The following LMF1 variants were observed in gnomAD, a reference collection of about 807,000 sequenced individuals.
LMF1 encodes lipase maturation factor 1.
A neutral mutation model predicts 60.6 loss-of-function variants in LMF1; 68 were observed. The observed-to-expected ratio is 1.12, with a 90% CI of 0.92 to 1.37. The LOEUF (loss-of-function observed/expected upper bound fraction) is 1.37. Ranked by LOEUF, LMF1 falls within the 40% of genes most tolerant of loss-of-function variation. LMF1 has a pLI of 0.00. For synonymous variants in LMF1, 418 were observed against 324.7 expected, an observed-to-expected ratio of 1.29 and a Z score of -3.09; for missense variants, 948 against 767.2, an observed-to-expected ratio of 1.24 and a Z score of -2.78.
intron 1 of LMF1, among the ~76,000 whole-genome samples, chr16:978,171 A>C (rs2073226812): frequency 6.8e-6 from 1 of 146,968 alleles, no homozygotes; most frequent in Non-Finnish European, 1.5e-5. Context: ...CACACCACAC[A>C]CCATACACGC....
rs11864203 is a variant in LMF1, at chr16:892,989, G to C, written c.729+18C>G. ...GTGAGACCGGGTGCCCTGCCCTCAC[G>C]CTGCACGGCACGCTCACCTCATAGT... is the stretch of plus-strand genomic sequence containing the variant. On this transcript the variant is annotated intron_variant, in intron 5 of 10. Coordinates refer to ENST00000262301, the MANE Select transcript of LMF1 (RefSeq NM_022773.4). 537,308 of 1,535,592 alleles carry C rather than the reference G, an allele frequency of 0.35. 103,968 individuals are homozygous for C. Among genetic ancestry groups the C allele is most frequent in the African/African-American group, 0.7 (50,601 of 72,776 alleles).
At chr16:879,462 G>A (rs2151713758) in intron 6 of LMF1, 108 bp downstream of exon 6, 2 of 1,287,774 alleles carry the variant, frequency 1.6e-6, no homozygotes, top group East Asian at 2.4e-5. Flanking sequence ...CCCCAAGAAA[G>A]GGGGCCTGTA....
chr16:940,769 G>A (rs116776213), intron 2 of LMF1, among the ~76,000 whole-genome samples: 1,681 of 152,276 alleles, frequency 0.011, 23 homozygotes, highest in African/African-American at 0.038. Flanking sequence ...AAAAACACCC[G>A]GAAGTACTGC....
intron 3 of LMF1, among the ~76,000 whole-genome samples, chr16:914,617 CCA>C (rs2071223476): frequency 6.8e-4 from 8 of 11,692 alleles, no homozygotes; most frequent in Non-Finnish European, 1.2e-3. Flanking sequence ...CCCTCCCTCC[CCA>C]TGACCATTGG....
intron 5 of LMF1, among the ~76,000 whole-genome samples, chr16:886,271 C>T (rs1370409924): frequency 6.6e-6 from 1 of 152,168 alleles, no homozygotes; most frequent in Non-Finnish European, 1.5e-5. Flanking sequence ...CTGTCCTTGG[C>T]TGCGTGGGTA....
chr16:972,777 C>G (rs561085144), upstream of LMF1, among the ~76,000 whole-genome samples: 370 of 152,362 alleles, frequency 2.4e-3, 1 homozygote, highest in African/African-American at 8.4e-3. Context: ...GCCTCTTGTT[C>G]CAGCTTCCAG....
chr16:867,549 G>C, intron 10 of LMF1, among the ~76,000 whole-genome samples: 1 of 152,218 alleles, frequency 6.6e-6, no homozygotes, highest in Non-Finnish European at 1.5e-5. Flanking sequence ...GGTCCCCAGT[G>C]AGCCAGGGGA....
intron 1 of LMF1, among the ~76,000 whole-genome samples, chr16:978,829 T>C (rs2073252147): frequency 6.6e-6 from 1 of 152,056 alleles, no homozygotes; most frequent in Admixed American, 6.5e-5. Flanking sequence ...GTGGCTCTGA[T>C]GGCTGCCCCT....
At chr16:879,980 G>C (rs988563648) in intron 5 of LMF1, among the ~76,000 whole-genome samples, 12 of 152,334 alleles carry the variant, frequency 7.9e-5, no homozygotes, top group African/African-American at 2.9e-4. Flanking sequence ...CCATCTAAAA[G>C]CAAAGAATAC....
chr16:875,105 G>A (rs1204570483), intron 6 of LMF1, among the ~76,000 whole-genome samples: 1 of 152,252 alleles, frequency 6.6e-6, no homozygotes, highest in Non-Finnish European at 1.5e-5. Context: ...TGTGGGGCTG[G>A]AGAGGATGAC....
intron 1 of LMF1, among the ~76,000 whole-genome samples, chr16:970,129 T>C (rs569507962): frequency 2.6e-5 from 4 of 152,224 alleles, no homozygotes; most frequent in Non-Finnish European, 4.4e-5. Context: ...GCTGGGAATC[T>C]TCCCGAACGC....
chr16:932,080 G>A (rs2071803694), intron 3 of LMF1, among the ~76,000 whole-genome samples: 1 of 152,170 alleles, frequency 6.6e-6, no homozygotes, highest in Admixed American at 6.5e-5. Flanking sequence ...GCAAGTGGTT[G>A]GGGACGCGGG....
At chr16:948,761 C>T (rs1458643886) in intron 2 of LMF1, among the ~76,000 whole-genome samples, 4 of 120,376 alleles carry the variant, frequency 3.3e-5, no homozygotes, top group African/African-American at 6.3e-5. Context: ...TCAGAGCCAA[C>T]GACAGAGTCA....
chr16:977,589 C>T (rs1056365211), intron 1 of LMF1, among the ~76,000 whole-genome samples: 2 of 151,734 alleles, frequency 1.3e-5, no homozygotes, highest in East Asian at 1.9e-4. Flanking sequence ...CGGCTGCCAG[C>T]GGGTTCACGC....
chr16:883,544 G>A (rs1281426883), intron 5 of LMF1, among the ~76,000 whole-genome samples: 1 of 152,214 alleles, frequency 6.6e-6, no homozygotes, highest in Non-Finnish European at 1.5e-5. Context: ...CAAAGTAAAA[G>A]TCTTTCTGAG....
At chr16:936,225 G>A (rs2071939579) in intron 2 of LMF1, among the ~76,000 whole-genome samples, 1 of 124,790 alleles carries the variant, frequency 8.0e-6, no homozygotes, top group African/African-American at 3.2e-5. Context: ...GTACCCCGTG[G>A]GCTGAGGAAG....
chr16:853,773 C>G lies in LMF1; in HGVS notation c.*759G>C, dbSNP rs1567124424. 2.2e-6 allele frequency: 1 copy of G among 454,130 alleles called. No individual in the cohort carries two copies. Among genetic ancestry groups the G allele is most frequent in the Non-Finnish European group, 4.4e-6 (1 of 226,790 alleles). The allele number at this position is 454,130 out of a possible 1,614,324, so 28.1% of individuals were successfully genotyped here. A position where few individuals can be genotyped will look rare whatever the true frequency, so the allele number is the denominator to read the frequency against. Reference sequence around the variant, plus strand: ...ATGAAAGTGTGCACGGCCGGCTGTCCTCCGATTGAGGGGCCTTGTCAAGGC... The same window carrying G: ...ATGAAAGTGTGCACGGCCGGCTGTCGTCCGATTGAGGGGCCTTGTCAAGGC... On this transcript the variant is annotated 3_prime_UTR_variant, in exon 11 of 11. Transcript: ENST00000262301.
At chr16:933,933 C>T (rs974495355) in intron 3 of LMF1, 109 of 1,370,126 alleles carry the variant, frequency 8.0e-5, no homozygotes, top group Middle Eastern at 2.8e-4. Context: ...TGAGCGTCCA[C>T]GGGGGATGGG....
At chr16:861,583 C>T (rs1230352222) in intron 10 of LMF1, among the ~76,000 whole-genome samples, 1 of 151,892 alleles carries the variant, frequency 6.6e-6, no homozygotes, top group Non-Finnish European at 1.5e-5. Context: ...CTTGAACTCC[C>T]GACCTCAGGT....
Sources: allele counts gnomAD v4.1 joint callset (sites outside exome capture counted in the v4.1 genomes callset), GRCh38; gene constraint gnomAD v4.1.1; transcripts MANE v1.5; gene names NCBI Gene and HGNC (gene_info 2026-07-23, HGNC 2026-07-21).